NKAIN3: variants seen among roughly 807,000 people sequenced by gnomAD.
NKAIN3 encodes the protein sodium/potassium-transporting ATPase subunit beta-1-interacting protein 3.
A neutral mutation model predicts 30.2 loss-of-function variants in NKAIN3; 25 were observed. That is an observed-to-expected ratio of 0.83 (90% CI 0.60 to 1.16). NKAIN3 has a LOEUF of 1.16. Ranked by LOEUF, NKAIN3 falls within the 50% of genes most tolerant of loss-of-function variation. The pLI is 0.00. For missense variants in NKAIN3, 225 were observed against 254.1 expected (o/e 0.89, Z 0.78); for synonymous variants, 91 against 89.6 (o/e 1.02, Z -0.09).
intron 3 of NKAIN3, among the ~76,000 whole-genome samples, chr8:62,685,747 G>A (rs572192516): frequency 6.6e-6 from 1 of 152,284 alleles, no homozygotes; most frequent in South Asian, 2.1e-4. Flanking sequence ...GAACAGTTAA[G>A]TTTCTCTAGC....
intron 1 of NKAIN3, among the ~76,000 whole-genome samples, chr8:62,251,270 G>A (rs992016409): frequency 1.3e-5 from 2 of 151,934 alleles, no homozygotes; most frequent in African/African-American, 4.8e-5. Flanking sequence ...TTTAACAACT[G>A]GATTGTAAAC....
intron 1 of NKAIN3, among the ~76,000 whole-genome samples, chr8:62,542,500 A>T (rs983478362): frequency 1.3e-5 from 2 of 152,212 alleles, no homozygotes; most frequent in Admixed American, 1.3e-4. Context: ...TTTAGAAGAC[A>T]AAACTAAACA....
intron 1 of NKAIN3, among the ~76,000 whole-genome samples, chr8:62,465,299 A>G (rs564596436): frequency 1.3e-5 from 2 of 152,334 alleles, no homozygotes; most frequent in African/African-American, 4.8e-5. Context: ...ATGTAATTCA[A>G]CCTGACTATC....
At chr8:62,553,640 G>T (rs149372323) in intron 1 of NKAIN3, among the ~76,000 whole-genome samples, 3 of 151,340 alleles carry the variant, frequency 2.0e-5, no homozygotes, top group African/African-American at 7.3e-5. Flanking sequence ...GGGTTCAAGC[G>T]ATTCTCTTGC....
intron 4 of NKAIN3, among the ~76,000 whole-genome samples, chr8:62,896,898 T>G (rs558963140): frequency 4.4e-4 from 67 of 152,262 alleles, no homozygotes; most frequent in African/African-American, 1.6e-3. Context: ...CAGATTGCAA[T>G]GAATTAAGCA....
intron 1 of NKAIN3, among the ~76,000 whole-genome samples, chr8:62,335,762 G>A (rs562032187): frequency 1.3e-5 from 2 of 152,018 alleles, no homozygotes; most frequent in South Asian, 4.2e-4. Context: ...CTATTGCCCT[G>A]GCTCTCCGTT....
chr8:62,855,733 G>C (rs182717325), intron 4 of NKAIN3: 1 of 1,480,028 alleles, frequency 6.8e-7, no homozygotes, highest in Non-Finnish European at 9.4e-7. Context: ...CCTTCATCTT[G>C]TCCACCTGCT....
intron 1 of NKAIN3, chr8:62,482,072 C>T (rs1806739189): frequency 6.6e-6 from 1 of 152,194 alleles, no homozygotes; most frequent in Non-Finnish European, 1.5e-5. Flanking sequence ...TCTCCCATCT[C>T]CCTATCGTCA....
intron 4 of NKAIN3, among the ~76,000 whole-genome samples, chr8:62,870,239 T>G (rs1820567199): frequency 7.1e-6 from 1 of 141,292 alleles, no homozygotes; most frequent in African/African-American, 2.8e-5. Flanking sequence ...TATATAGATA[T>G]CTATAGATAT....
intron 1 of NKAIN3, among the ~76,000 whole-genome samples, chr8:62,513,148 C>A (rs1288629576): frequency 6.6e-6 from 1 of 151,986 alleles, no homozygotes; most frequent in African/African-American, 2.4e-5. Context: ...CTAATCTTTT[C>A]TTGTCAAAGC....
At chr8:62,311,709 G>A (rs953449746) in intron 1 of NKAIN3, among the ~76,000 whole-genome samples, 1 of 150,464 alleles carries the variant, frequency 6.6e-6, no homozygotes, top group Admixed American at 6.6e-5. Flanking sequence ...CGTGCCACCT[G>A]GGGCACACGA....
chr8:62,304,448 AATT>A (rs1814157552), intron 1 of NKAIN3, among the ~76,000 whole-genome samples: 1 of 150,424 alleles, frequency 6.6e-6, no homozygotes, highest in Admixed American at 6.6e-5. Context: ...ATCAGCACAA[AATT>A]ATTATAGACA....
At chr8:62,831,597 T>C (rs751879459) in intron 4 of NKAIN3, among the ~76,000 whole-genome samples, 4 of 152,112 alleles carry the variant, frequency 2.6e-5, no homozygotes, top group South Asian at 2.1e-4. Flanking sequence ...GAAAGTTTTA[T>C]CAATAGACTA....
chr8:62,486,998 G>C (rs1308060139), intron 1 of NKAIN3, among the ~76,000 whole-genome samples: 1 of 152,210 alleles, frequency 6.6e-6, no homozygotes, highest in African/African-American at 2.4e-5. Flanking sequence ...ATCTCATAAG[G>C]ACTGACAGCT....
chr8:62,401,405 ATC>A (rs1465635132), intron 1 of NKAIN3, among the ~76,000 whole-genome samples: 1 of 152,020 alleles, frequency 6.6e-6, no homozygotes, highest in East Asian at 1.9e-4. Context: ...AAGGTCACAT[ATC>A]TCTCTCTCCA....
intron 1 of NKAIN3, among the ~76,000 whole-genome samples, chr8:62,382,545 C>T (rs548975532): frequency 5.3e-5 from 8 of 152,238 alleles, no homozygotes; most frequent in Middle Eastern, 3.4e-3. Flanking sequence ...ACCAACATTT[C>T]TTCCACCACT....
At chr8:62,650,733 C>A (rs1366164421) in intron 3 of NKAIN3, among the ~76,000 whole-genome samples, 2 of 152,070 alleles carry the variant, frequency 1.3e-5, no homozygotes, top group Non-Finnish European at 1.5e-5. Flanking sequence ...CTCAGGTAGA[C>A]CACAGGCTCT....
At chr8:62,436,540 C>G (rs1343455361) in intron 1 of NKAIN3, among the ~76,000 whole-genome samples, 2 of 152,080 alleles carry the variant, frequency 1.3e-5, no homozygotes, top group East Asian at 3.8e-4. Context: ...AGAAATTTTA[C>G]ATTAACTGTG....
chr8:62,863,859 CT>C (rs1347217190), intron 4 of NKAIN3: 1 of 1,573,588 alleles, frequency 6.4e-7, no homozygotes, highest in South Asian at 1.1e-5. Flanking sequence ...TGATAGCCAC[CT>C]TTGCAGTAGT....
Sources: gnomAD v4.1 joint callset for allele counts (sites outside exome capture counted in the v4.1 genomes callset) on GRCh38, gnomAD v4.1.1 for gene constraint, MANE v1.5 for transcripts, NCBI Gene and HGNC (gene_info 2026-07-23, HGNC 2026-07-21) for gene names.